PHACTR2: variants seen among roughly 807,000 people sequenced by gnomAD.
PHACTR2 encodes the protein phosphatase and actin regulator 2.
PHACTR2 carries 30 observed loss-of-function variants against 76.0 expected under a neutral mutation model. The ratio of observed to expected loss-of-function variants is 0.39; its 90% CI spans 0.30 to 0.54. The LOEUF (loss-of-function observed/expected upper bound fraction) is 0.54, where lower values mean the gene tolerates loss of function less well. PHACTR2 is among the 20% of genes least tolerant of loss of function. The pLI is 0.61. For missense variants in PHACTR2, 696 were observed against 781.1 expected (o/e 0.89, Z 1.30); for synonymous variants, 292 against 292.5 (o/e 1.00, Z 0.02).
At chr6:143,665,893 T>A (rs1777024824) in intron 1 of PHACTR2, among the ~76,000 whole-genome samples, 1 of 152,222 alleles carries the variant, frequency 6.6e-6, no homozygotes, top group Non-Finnish European at 1.5e-5. Flanking sequence ...TTTATTATAC[T>A]TTAAGTTCTG....
Position 143,648,295 on chromosome 6 carries a change from C to A in PHACTR2, c.13+39973C>A, listed in dbSNP as rs997790160. On this transcript the variant is annotated intron_variant, in intron 1 of 11. Transcript: ENST00000305766. The surrounding 1 kb of genome is among the most constrained non-coding windows in gnomAD (Gnocchi z 6.7). ...AAGTTTTGAGATAAAAATATTGCAG[C>A]CCATCTGCATTTCCCTGGGAGCTCA... 1.3e-5 allele frequency among the ~76,000 whole-genome samples: 2 copies of A among 152,162 alleles called. No homozygotes were observed. The highest frequency in any genetic ancestry group is 2.9e-5 in the Non-Finnish European group (2 of 68,036).
In PHACTR2 at chr6:143,639,633, G is replaced by A. The variant is rs1776530129; in HGVS notation, c.13+31311G>A. 1.3e-5 allele frequency among the ~76,000 whole-genome samples: 2 copies of A among 152,132 alleles called. No individual in the cohort carries two copies. Among genetic ancestry groups the A allele is most frequent in the Admixed American group, 6.5e-5 (1 of 15,274 alleles). Reference sequence around the variant, plus strand: ...ATTACTAACTCTCCCTTTGATGATGGATTAGCATACCCCATCATGAGTAAG... The same window carrying A: ...ATTACTAACTCTCCCTTTGATGATGAATTAGCATACCCCATCATGAGTAAG... On this transcript the variant is annotated intron_variant, in intron 1 of 11. Coordinates refer to the PHACTR2 transcript ENST00000305766. This position sits in a 1 kb window ranked among gnomAD's most constrained non-coding sequence, Gnocchi z 5.0.
intron 1 of PHACTR2, among the ~76,000 whole-genome samples, chr6:143,626,536 C>CAAAAAAAAAAAAAAAAA (rs35107482): frequency 8.2e-6 from 1 of 122,334 alleles, no homozygotes; most frequent in African/African-American, 3.3e-5. Flanking sequence ...GACTCCGTCT[C>CAAAAAAAAAAAAAAAAA]AAAAAAAAAA....
At chr6:143,814,666 C>A (rs1053645772) in intron 12 of PHACTR2, among the ~76,000 whole-genome samples, 12 of 143,308 alleles carry the variant, frequency 8.4e-5, no homozygotes, top group African/African-American at 3.1e-4. Context: ...GCAGTGGCGC[C>A]ATCTCTGCTC....
rs1775752107 is a variant in PHACTR2 at position 143,596,077 on chromosome 6, T to C, written c.217+58870T>C. ...TTGGCGGAGATTCTATAAATTTAGA[T>C]AATTTACTAATCATTATGCTTATTA... is the stretch of plus-strand genomic sequence containing the variant. On this transcript the variant is annotated intron_variant, in intron 1 of 11. Coordinates refer to the PHACTR2 transcript ENST00000367584. The surrounding 1 kb of genome is among the most constrained non-coding windows in gnomAD (Gnocchi z 4.6). 1.3e-5 allele frequency among the ~76,000 whole-genome samples: 2 copies of C among 152,256 alleles called. No individual in the cohort carries two copies. Among genetic ancestry groups the C allele is most frequent in the African/African-American group, 2.4e-5 (1 of 41,464 alleles).
At chr6:143,704,079 G>GTGTGTGTGTGTGTGTGTGTC (rs1554221228) in intron 1 of PHACTR2, among the ~76,000 whole-genome samples, 1 of 146,214 alleles carries the variant, frequency 6.8e-6, no homozygotes, top group African/African-American at 2.6e-5. Context: ...CATCATGGGT[G>GTGTGTGTGTGTGTGTGTGTC]TGTGTGTGTG....
intron 1 of PHACTR2, among the ~76,000 whole-genome samples, chr6:143,702,292 A>G (rs1424625489): frequency 6.6e-6 from 1 of 152,030 alleles, no homozygotes; most frequent in Non-Finnish European, 1.5e-5. Context: ...TATTTTTAGT[A>G]GAGATGAGGT....
intron 5 of PHACTR2, among the ~76,000 whole-genome samples, chr6:143,763,000 G>T (rs1016695085): frequency 6.6e-6 from 1 of 151,900 alleles, no homozygotes; most frequent in African/African-American, 2.4e-5. Context: ...TGCACTCTGG[G>T]CAGTGAAAAA....
At chr6:143,552,405 A>G (rs1322071115) in intron 1 of PHACTR2, among the ~76,000 whole-genome samples, 1 of 152,218 alleles carries the variant, frequency 6.6e-6, no homozygotes, top group Non-Finnish European at 1.5e-5. Context: ...AGTTGAAGGG[A>G]AGTTTAAGGA....
At chr6:143,642,849 C>T (rs1042828369) in intron 1 of PHACTR2, among the ~76,000 whole-genome samples, 3 of 152,142 alleles carry the variant, frequency 2.0e-5, no homozygotes, top group African/African-American at 7.2e-5. Context: ...ATGCTCTTGT[C>T]TTGGGACTTC....
At position 143,789,491 on chromosome 6, in the gene PHACTR2, T is replaced by C. The variant is rs1775628269; in HGVS notation, c.1845+581T>C. On this transcript the variant is annotated intron_variant, in intron 11 of 12. Coordinates refer to ENST00000440869, the MANE Select transcript of PHACTR2 (RefSeq NM_001100164.2). The surrounding 1 kb of genome is among the most constrained non-coding windows in gnomAD (Gnocchi z 5.1). Reference sequence around the variant, plus strand: ...GCTTACCAACCCCTAATCTAAATCATTGCACACAATTCCTGAAAAATGAAA... The same window carrying C: ...GCTTACCAACCCCTAATCTAAATCACTGCACACAATTCCTGAAAAATGAAA... The C allele has an allele frequency of 6.6e-6, 1 of 152,264 alleles. No individual in the cohort carries two copies. The allele number at this position is 152,264 out of a possible 1,614,324, so 9.4% of individuals were successfully genotyped here.
intron 2 of PHACTR2, among the ~76,000 whole-genome samples, chr6:143,721,217 C>T (rs906455528): frequency 7.2e-5 from 11 of 152,216 alleles, no homozygotes; most frequent in Admixed American, 4.6e-4. Flanking sequence ...TGCATTATTG[C>T]CTCTGTCTTA....
At chr6:143,634,430 G>T (rs1361583769) in intron 1 of PHACTR2, among the ~76,000 whole-genome samples, 1 of 152,134 alleles carries the variant, frequency 6.6e-6, no homozygotes, top group Non-Finnish European at 1.5e-5. Flanking sequence ...ATTTTGATAT[G>T]TGCCATTGTA....
intron 1 of PHACTR2, among the ~76,000 whole-genome samples, chr6:143,540,992 C>G (rs1781167033): frequency 6.6e-6 from 1 of 152,214 alleles, no homozygotes; most frequent in South Asian, 2.1e-4. Flanking sequence ...CCAGTACAAC[C>G]ATAGTGCACT....
chr6:143,775,771 TAA>T lies in PHACTR2; in HGVS notation c.1590-1552_1590-1551del, dbSNP rs1166966390. Among the ~76,000 whole-genome samples, 1 of 151,876 alleles carries T rather than the reference TAA, an allele frequency of 6.6e-6. No individual in the cohort carries two copies. Among genetic ancestry groups the T allele is most frequent in the Non-Finnish European group, 1.5e-5 (1 of 67,998 alleles). ...ATAATAGTGTTATCATAGTAAGGAGTAAAAAAGTGTGAAGTATCCTATACCCA... is the reference window on the plus strand; with the variant it reads ...ATAATAGTGTTATCATAGTAAGGAGTAAAAGTGTGAAGTATCCTATACCCA... On this transcript the variant is annotated intron_variant, in intron 8 of 12. Transcript: ENST00000440869. This position sits in a 1 kb window ranked among gnomAD's most constrained non-coding sequence, Gnocchi z 4.4.
rs534270943 is a variant in PHACTR2, at chr6:143,764,759, T to C, written c.695-502T>C. ...AGCAGTAAGATGAGTGATTTTGTTT[T>C]TGACCCAGAAAGAAGCTGGATATAT... is the stretch of plus-strand genomic sequence containing the variant. On this transcript the variant is annotated intron_variant, in intron 5 of 12. Transcript: ENST00000440869. This position sits in a 1 kb window ranked among gnomAD's most constrained non-coding sequence, Gnocchi z 4.7. Among the ~76,000 whole-genome samples, 34 of 152,296 alleles carry C rather than the reference T, an allele frequency of 2.2e-4. No homozygotes were observed. The highest frequency in any genetic ancestry group is 7.5e-4 in the African/African-American group (31 of 41,568).
intron 1 of PHACTR2, among the ~76,000 whole-genome samples, chr6:143,640,443 A>G (rs1431047014): frequency 6.6e-6 from 1 of 152,208 alleles, no homozygotes; most frequent in Non-Finnish European, 1.5e-5. Context: ...GAGAGACATA[A>G]GGAGAGCAAC....
intron 11 of PHACTR2, among the ~76,000 whole-genome samples, chr6:143,802,731 G>A (rs1775987037): frequency 6.6e-6 from 1 of 150,956 alleles, no homozygotes; most frequent in Admixed American, 6.6e-5. Context: ...GCAAAGAAGA[G>A]AGTTAAGTTT....
Position 143,780,316 on chromosome 6 carries a change from A to G in PHACTR2, c.1646-2903A>G, listed in dbSNP as rs542824079. 1.3e-5 allele frequency among the ~76,000 whole-genome samples: 2 copies of G among 152,228 alleles called. No individual in the cohort carries two copies. The highest frequency in any genetic ancestry group is 6.5e-5 in the Admixed American group (1 of 15,274). On this transcript the variant is annotated intron_variant, in intron 9 of 12. Transcript: ENST00000440869. This position sits in a 1 kb window ranked among gnomAD's most constrained non-coding sequence, Gnocchi z 4.4. ...TATGTGTGTCTTTTTCATTTGCTAA[A>G]AACACCCATATGAGGCCAGGTAAGG...
Sources: allele counts gnomAD v4.1 joint callset (sites outside exome capture counted in the v4.1 genomes callset), GRCh38; gene constraint gnomAD v4.1.1; non-coding constraint Gnocchi (gnomAD v3.1); transcripts MANE v1.5; gene names NCBI Gene and HGNC (gene_info 2026-07-23, HGNC 2026-07-21).